The following RRN3 variants were observed in gnomAD, a reference collection of about 807,000 sequenced individuals.
RRN3 encodes RNA polymerase I-specific transcription initiation factor RRN3.
A neutral mutation model predicts 82.3 loss-of-function variants in RRN3; 38 were observed. The ratio of observed to expected loss-of-function variants is 0.46; its 90% CI spans 0.36 to 0.61. The LOEUF (loss-of-function observed/expected upper bound fraction) is 0.61, where lower values mean the gene tolerates loss of function less well. RRN3 is among the 20% of genes least tolerant of loss of function. The probability of loss-of-function intolerance (pLI) is 0.00; values close to 1 mark genes in which losing one functional copy is unlikely to be tolerated. For missense variants in RRN3, 726 were observed against 793.1 expected, an observed-to-expected ratio of 0.92 and a Z score of 1.02; for synonymous variants, 284 against 284.3, an observed-to-expected ratio of 1.00 and a Z score of 0.01.
chr16:15,066,938 G>GCA (rs1459614972), intron 15 of RRN3, among the ~76,000 whole-genome samples: 25 of 151,894 alleles, frequency 1.6e-4, no homozygotes, highest in African/African-American at 5.8e-4. Context: ...TGGACCAGAT[G>GCA]GTTCACAAAT....
rs2045905096 is a variant in RRN3 at position 15,086,061 on chromosome 16, A to G, written c.472+68T>C. On this transcript the variant is annotated intron_variant, in intron 5 of 17. Coordinates refer to ENST00000198767, the MANE Select transcript of RRN3 (RefSeq NM_018427.5). ...CTTCCATGGTAGCAGTCTCTCATATATAAGGGGAAGGTAGTATTTTAATAA... is the reference window on the plus strand; with the variant it reads ...CTTCCATGGTAGCAGTCTCTCATATGTAAGGGGAAGGTAGTATTTTAATAA... 4.2e-6 allele frequency: 6 copies of G among 1,438,128 alleles called. No individual in the cohort carries two copies. The South Asian group carries it at 6.5e-5, about 16-fold the overall frequency. The allele number at this position is 1,438,128 out of a possible 1,614,324, so 89.1% of individuals were successfully genotyped here.
chr16:15,068,229 T>G lies in RRN3; in HGVS notation c.1493A>C (p.Gln498Pro), dbSNP rs780175717. The change falls in exon 15 of 18, where the codon CAG (glutamine) becomes CCG (proline). Residue 498 changes from glutamine to proline, a missense_variant. Gln to Pro is a moderately conservative substitution (Grantham distance 76). This residue lies in a region of RRN3 where 81 missense variants were observed against 156.4 expected (regional missense o/e 0.52). Coordinates refer to ENST00000198767, the MANE Select transcript of RRN3 (RefSeq NM_018427.5). Reference sequence around the variant, plus strand: ...CAGGCAAATCTTCAGGGGATTTAGCTGGCTCATCACTATCCGCTCAAAATT... The same window carrying G: ...CAGGCAAATCTTCAGGGGATTTAGCGGGCTCATCACTATCCGCTCAAAATT... Reference protein sequence around the residue: ...SLNFERIVMSQLNPLKICLPS... With the variant: ...SLNFERIVMSPLNPLKICLPS... 1.3e-6 allele frequency: 2 copies of G among 1,593,208 alleles called. No homozygotes were observed. Among genetic ancestry groups the G allele is most frequent in the South Asian group, 2.3e-5 (2 of 87,406 alleles).
intron 15 of RRN3, 61 bp downstream of exon 15, chr16:15,068,108 T>C (rs1161158953): frequency 6.7e-7 from 1 of 1,499,138 alleles, no homozygotes; most frequent in Non-Finnish European, 9.0e-7. Flanking sequence ...CTTACAATAC[T>C]AGATAAACAT....
intron 16 of RRN3, among the ~76,000 whole-genome samples, chr16:15,064,077 T>C (rs2044844054): frequency 6.6e-6 from 1 of 152,312 alleles, no homozygotes; most frequent in Middle Eastern, 3.4e-3. Flanking sequence ...TTAGAAACCA[T>C]AATAAGCAAA....
At position 15,073,119 on chromosome 16, in the gene RRN3, A is replaced by G. The variant is rs763916197; in HGVS notation, c.998-39T>C. ...CTGGCATCTCAGTTTTTATAAAGAC[A>G]TATTTTCAAGTTTCATCTGCCATAT... On this transcript the variant is annotated intron_variant, in intron 11 of 17. Coordinates refer to ENST00000198767, the MANE Select transcript of RRN3 (RefSeq NM_018427.5). The G allele has an allele frequency of 6.3e-6, 10 of 1,598,238 alleles. 1 individual carries two copies. The highest frequency in any genetic ancestry group is 5.5e-5 in the Admixed American group (3 of 54,792).
chr16:15,091,308 T>C lies in RRN3; in HGVS notation c.252+7A>G, dbSNP rs771387496. 31 of 1,602,598 alleles carry C rather than the reference T, an allele frequency of 1.9e-5. No homozygotes were observed. The highest frequency in any genetic ancestry group is 2.5e-5 in the Non-Finnish European group (29 of 1,173,966). On this transcript the variant is annotated splice_region_variant and intron_variant, in intron 3 of 17. Coordinates refer to ENST00000198767, the MANE Select transcript of RRN3 (RefSeq NM_018427.5). ...TTTTGCTAATGATCAAACACAAAAT[T>C]AATTACCTTTATGTCTGGATCTAAC...
In RRN3 at chr16:15,078,414, T is replaced by A. The variant is rs368649303; in HGVS notation, c.765+1584A>T. 3.7e-4 allele frequency among the ~76,000 whole-genome samples: 56 copies of A among 152,064 alleles called. 1 individual carries two copies. The East Asian group carries it at 6.4e-3, about 17-fold the overall frequency. The stretch of plus-strand genomic sequence containing the variant: ...CACCAAGGTCTCTAACAGCCCCAAT[T>A]CTGCTTCCCCACCATCCACATCCTC... On this transcript the variant is annotated intron_variant, in intron 9 of 17. Coordinates refer to ENST00000198767, the MANE Select transcript of RRN3 (RefSeq NM_018427.5).
chr16:15,061,928 C>T (rs776295781), intron 17 of RRN3, 23 bp from the exon 18 acceptor site: 2 of 1,597,956 alleles, frequency 1.3e-6, no homozygotes, highest in South Asian at 2.2e-5. Flanking sequence ...CAGAAATCAT[C>T]AGTAACATCA....
At chr16:15,086,333 A>C (rs779476164) in intron 4 of RRN3, 32 bp downstream of exon 4, 10 of 1,612,342 alleles carry the variant, frequency 6.2e-6, no homozygotes, top group African/African-American at 5.3e-5. Context: ...TCTGAATTAC[A>C]TACTTTACAG....
chr16:15,075,609 G>C (rs2045421558), intron 10 of RRN3, among the ~76,000 whole-genome samples: 1 of 151,842 alleles, frequency 6.6e-6, no homozygotes, highest in African/African-American at 2.4e-5. Context: ...AAGAAATGCA[G>C]ACACCTTTCC....
chr16:15,086,533 A>T, intron 3 of RRN3, 79 bp from the exon 4 acceptor site: 2 of 1,581,494 alleles, frequency 1.3e-6, no homozygotes, highest in South Asian at 1.2e-5. Context: ...TATATCAATC[A>T]TTTATCAAGA....
chr16:15,072,048 T>C (rs558432784), intron 12 of RRN3, among the ~76,000 whole-genome samples: 1 of 152,110 alleles, frequency 6.6e-6, no homozygotes, highest in African/African-American at 2.4e-5. Flanking sequence ...ATGCCAATCA[T>C]GGAAAAAAAC....
chr16:15,076,749 G>A, intron 9 of RRN3, 99 bp from the exon 10 acceptor site: 2 of 781,548 alleles, frequency 2.6e-6, no homozygotes, highest in Admixed American at 2.1e-5. Context: ...TGTTCAAGGT[G>A]TCCAGATTAG....
At chr16:15,077,872 C>A (rs2045532458) in intron 9 of RRN3, among the ~76,000 whole-genome samples, 1 of 151,996 alleles carries the variant, frequency 6.6e-6, no homozygotes, top group African/African-American at 2.4e-5. Context: ...CTTTTTCTTC[C>A]CAGGCTCAGC....
At chr16:15,062,848 A>C (rs1196620195) in intron 17 of RRN3, among the ~76,000 whole-genome samples, 1 of 152,258 alleles carries the variant, frequency 6.6e-6, no homozygotes, top group Admixed American at 6.5e-5. Context: ...AGGCAGAATG[A>C]GTAAGACACG....
chr16:15,064,740 G>A (rs747256652), intron 16 of RRN3, among the ~76,000 whole-genome samples: 4 of 152,216 alleles, frequency 2.6e-5, no homozygotes, highest in Admixed American at 2.0e-4. Flanking sequence ...GTCCTGCTAG[G>A]CATCCTCTAC....
At chr16:15,078,255 C>T (rs1180701270) in intron 9 of RRN3, among the ~76,000 whole-genome samples, 2 of 152,194 alleles carry the variant, frequency 1.3e-5, no homozygotes, top group Non-Finnish European at 1.5e-5. Flanking sequence ...TTCCATCTTC[C>T]TGCTTTCCTA....
At chr16:15,074,089 G>A (rs1325422358) in intron 11 of RRN3, among the ~76,000 whole-genome samples, 1 of 152,178 alleles carries the variant, frequency 6.6e-6, no homozygotes, top group Non-Finnish European at 1.5e-5. Flanking sequence ...TCTCTGAAGA[G>A]TAGAAATGTG....
chr16:15,077,037 T>C (rs1262136301), intron 9 of RRN3, among the ~76,000 whole-genome samples: 1 of 149,762 alleles, frequency 6.7e-6, no homozygotes, highest in Non-Finnish European at 1.5e-5. Flanking sequence ...TGGAATACAA[T>C]GGCAAGATCT....
Sources: gnomAD v4.1 joint callset for allele counts (sites outside exome capture counted in the v4.1 genomes callset) on GRCh38, gnomAD v4.1.1 for gene constraint, gnomAD v4.1.1 regional missense constraint, MANE v1.5 for transcripts, NCBI Gene and HGNC (gene_info 2026-07-23, HGNC 2026-07-21) for gene names.